Variants in MMP25 observed in about 807,000 individuals in gnomAD.
The protein encoded by MMP25 is matrix metalloproteinase-25.
Under a neutral mutation model 62.1 loss-of-function variants are expected in MMP25, and 68 were observed. The observed-to-expected ratio is 1.10, with a 90% CI of 0.90 to 1.34. The LOEUF (loss-of-function observed/expected upper bound fraction) is 1.34, where lower values mean the gene tolerates loss of function less well. Ranked by LOEUF, MMP25 falls within the 40% of genes most tolerant of loss-of-function variation. MMP25 has a pLI of 0.00. For missense variants in MMP25, 942 were observed against 792.5 expected, an observed-to-expected ratio of 1.19 and a Z score of -2.26; for synonymous variants, 407 against 345.6, an observed-to-expected ratio of 1.18 and a Z score of -1.97.
intron 4 of MMP25, among the ~76,000 whole-genome samples, chr16:3,050,854 C>T (rs150634107): frequency 1.1e-4 from 16 of 152,254 alleles, no homozygotes; most frequent in Admixed American, 2.6e-4. Flanking sequence ...TGCAGTTGCA[C>T]GATCACGGCT....
In MMP25 at chr16:3,050,294, A is replaced by ACCGTG. The variant is rs749301966; in HGVS notation, c.411_415dup (p.Arg139ProfsTer6). 2 of 1,608,810 alleles carry ACCGTG rather than the reference A, an allele frequency of 1.2e-6. No individual in the cohort carries two copies. Among genetic ancestry groups the ACCGTG allele is most frequent in the South Asian group, 2.2e-5 (2 of 90,786 alleles). On this transcript the variant is annotated frameshift_variant, in exon 4 of 10. Transcript: ENST00000336577. LOFTEE classifies it high-confidence loss of function. Reference sequence around the variant, plus strand: ...CCAGAGCTCCCAGCTGAGCCAGGAGACCGTGCGGGTCCTCATGAGCTATGC... The same window carrying ACCGTG: ...CCAGAGCTCCCAGCTGAGCCAGGAGACCGTGCCGTGCGGGTCCTCATGAGCTATGC...
intron 4 of MMP25, chr16:3,056,722 C>G (rs759520501): frequency 2.6e-5 from 8 of 302,348 alleles, no homozygotes; most frequent in Non-Finnish European, 4.3e-5. Context: ...GCTCCTCCCC[C>G]TCAAACTTCT....
In MMP25 at chr16:3,059,104, G is replaced by A; in HGVS notation, c.*6G>A. On this transcript the variant is annotated 3_prime_UTR_variant, in exon 10 of 10. Coordinates refer to ENST00000336577, the MANE Select transcript of MMP25 (RefSeq NM_022468.5). ...GGGGTGTAGCCTCCCGCTGATGGGGGGAGCCATCCAGACCGAACAGCGCCC... is the reference window on the plus strand; with the variant it reads ...GGGGTGTAGCCTCCCGCTGATGGGGAGAGCCATCCAGACCGAACAGCGCCC... The A allele has an allele frequency of 1.3e-6, 2 of 1,536,446 alleles. No homozygotes were observed. The highest frequency in any genetic ancestry group is 2.5e-5 in the East Asian group (1 of 40,726).
rs1043450101 is a variant in MMP25 at position 3,058,172 on chromosome 16, C to G, written c.1007-9C>G. Reference sequence around the variant, plus strand: ...CATGCCTTCCTGCGAACCCCTTTGTCCCCTGCAGGCCCCTGGTTCTGGCGC... The same window carrying G: ...CATGCCTTCCTGCGAACCCCTTTGTGCCCTGCAGGCCCCTGGTTCTGGCGC... On this transcript the variant is annotated splice_polypyrimidine_tract_variant and intron_variant, in intron 7 of 9. Coordinates refer to ENST00000336577, the MANE Select transcript of MMP25 (RefSeq NM_022468.5). 3 of 1,611,772 alleles carry G rather than the reference C, an allele frequency of 1.9e-6. No homozygotes were observed. The highest frequency in any genetic ancestry group is 2.5e-6 in the Non-Finnish European group (3 of 1,179,136).
intron 4 of MMP25, 59 bp from the exon 5 acceptor site, chr16:3,056,974 C>T (rs1260211108): frequency 6.6e-7 from 1 of 1,508,934 alleles, no homozygotes; most frequent in African/African-American, 1.4e-5. Flanking sequence ...GCAGGGCCTT[C>T]CTGTGGCCCC....
chr16:3,056,119 G>T, intron 4 of MMP25: 1 of 320,588 alleles, frequency 3.1e-6, no homozygotes, highest in Non-Finnish European at 6.3e-6. Context: ...AGGGAGATGG[G>T]GGAGGGGGGA....
intron 4 of MMP25, among the ~76,000 whole-genome samples, chr16:3,050,903 C>G (rs1367131737): frequency 6.6e-6 from 1 of 152,146 alleles, no homozygotes; most frequent in African/African-American, 2.4e-5. Flanking sequence ...GTGATCCTCC[C>G]TCCTCAGCCA....
intron 3 of MMP25, 37 bp from the exon 4 acceptor site, chr16:3,050,217 C>T: frequency 6.3e-7 from 1 of 1,575,008 alleles, no homozygotes. Flanking sequence ...CCTGCTCCCT[C>T]CACGGCCACC....
chr16:3,046,881 C>A lies in MMP25; in HGVS notation c.-37C>A. The A allele has an allele frequency of 7.6e-7, 1 of 1,316,248 alleles. No homozygotes were observed. Among genetic ancestry groups the A allele is most frequent in the South Asian group, 1.7e-5 (1 of 59,510 alleles). 81.5% of individuals were successfully genotyped at this position (1,316,248 alleles called of 1,614,324 possible). On this transcript the variant is annotated 5_prime_UTR_variant, in exon 1 of 10. Coordinates refer to ENST00000336577, the MANE Select transcript of MMP25 (RefSeq NM_022468.5). ...CCCGGGGCGGCCCCAGCCAGGCCCC[C>A]TTCGAACCCCGCCGGCGGCCCGGGC... is the stretch of plus-strand genomic sequence containing the variant.
Position 3,058,995 on chromosome 16 carries a change from C to G in MMP25, c.1586C>G (p.Thr529Ser). The G allele has an allele frequency of 6.4e-7, 1 of 1,554,968 alleles. No individual in the cohort carries two copies. Among genetic ancestry groups the G allele is most frequent in the Non-Finnish European group, 8.7e-7 (1 of 1,149,094 alleles). Residue 529 changes from threonine to serine, a missense_variant, in exon 10 of 10, where the codon ACC (threonine) becomes AGC (serine). Physicochemically the swap from Thr to Ser is moderately conservative, Grantham distance 58. Transcript: ENST00000336577. Reference protein sequence around the residue: ...RPPKATPVSETCDCQCELNQA... With the variant: ...RPPKATPVSESCDCQCELNQA... ...CCCAAAGCGACCCCCGTGTCCGAAA[C>G]CTGCGATTGTCAGTGCGAGCTCAAC...
chr16:3,047,603 C>T (rs546866336), intron 2 of MMP25, 56 bp downstream of exon 2: 1 of 1,582,802 alleles, frequency 6.3e-7, no homozygotes, highest in East Asian at 2.2e-5. Flanking sequence ...TGTCCACCGC[C>T]CAACAGCCTT....
Position 3,058,183 on chromosome 16 carries a change from C to T in MMP25, c.1009C>T (p.Pro337Ser). The T allele has an allele frequency of 6.2e-7, 1 of 1,612,442 alleles. No homozygotes were observed. The highest frequency in any genetic ancestry group is 1.1e-5 in the South Asian group (1 of 90,934). The change falls in exon 8 of 10, where the codon CCC (proline) becomes TCC (serine). Residue 337 changes from proline to serine, a missense_variant and splice_region_variant. Physicochemically the swap from Pro to Ser is moderately conservative, Grantham distance 74. Transcript: ENST00000336577. ...IRGETFFFKG[P>S]WFWRLQPSGQ... ...GCGAACCCCTTTGTCCCCTGCAGGC[C>T]CCTGGTTCTGGCGCCTCCAGCCCTC...
Position 3,057,035 on chromosome 16 carries a change from G to A in MMP25, c.664G>A (p.Gly222Ser), listed in dbSNP as rs762354889. 1.5e-5 allele frequency: 23 copies of A among 1,567,390 alleles called. No homozygotes were observed. Among genetic ancestry groups the A allele is most frequent in the East Asian group, 2.3e-5 (1 of 44,284 alleles). ...CTCTCACCCACTTTCTCCTGCAGAC[G>A]GCGAGGGGACCGACCTGTTTGCCGT... ...EETWTFGSKD[G>S]EGTDLFAVAV... The change falls in exon 5 of 10, where the codon GGC (glycine) becomes AGC (serine). Residue 222 changes from glycine to serine, a missense_variant and splice_region_variant. By Grantham distance (56) the Gly-to-Ser change is moderately conservative. Transcript: ENST00000336577.
rs765111576 is a variant in MMP25, at chr16:3,058,306, C to G, written c.1132C>G (p.Arg378Gly). 4 of 1,601,348 alleles carry G rather than the reference C, an allele frequency of 2.5e-6. No homozygotes were observed. Among genetic ancestry groups the G allele is most frequent in the Non-Finnish European group, 3.4e-6 (4 of 1,175,638 alleles). Residue 378 changes from arginine (R) to glycine (G), a missense_variant, in exon 8 of 10, where the codon CGA (arginine) becomes GGA (glycine). Physicochemically the swap from Arg to Gly is moderately radical, Grantham distance 125. Coordinates refer to ENST00000336577, the MANE Select transcript of MMP25 (RefSeq NM_022468.5). Reference sequence around the variant, plus strand: ...GGTGCAGGCCGCCTATGCTCGGCACCGAGACGGCCGAATCCTCCTCTTTAG... The same window carrying G: ...GGTGCAGGCCGCCTATGCTCGGCACGGAGACGGCCGAATCCTCCTCTTTAG... ...RVVQAAYARH[R>G]DGRILLFSGP... is the part of the protein sequence containing the mutation.
intron 4 of MMP25, chr16:3,051,632 G>A (rs1401290749): frequency 2.0e-5 from 3 of 152,124 alleles, no homozygotes; most frequent in Admixed American, 1.3e-4. Context: ...AGAGCTGGGG[G>A]CTTGCGGAGA....
At chr16:3,048,420 G>GGA (rs1003025585) in intron 2 of MMP25, among the ~76,000 whole-genome samples, 3 of 151,932 alleles carry the variant, frequency 2.0e-5, no homozygotes, top group South Asian at 2.1e-4. Context: ...CTTTCTCGAG[G>GGA]GAGAGAGAGA....
At chr16:3,050,751 C>G (rs1224826396) in intron 4 of MMP25, among the ~76,000 whole-genome samples, 1 of 152,174 alleles carries the variant, frequency 6.6e-6, no homozygotes, top group East Asian at 1.9e-4. Flanking sequence ...TAGCTGGGAT[C>G]ACTGGTGCAC....
chr16:3,059,114 A>C lies in MMP25; in HGVS notation c.*16A>C, dbSNP rs1048308132. On this transcript the variant is annotated 3_prime_UTR_variant, in exon 10 of 10. Transcript: ENST00000336577. ...CTCCCGCTGATGGGGGGAGCCATCCAGACCGAACAGCGCCCTCCACGGCCG... is the reference window on the plus strand; with the variant it reads ...CTCCCGCTGATGGGGGGAGCCATCCCGACCGAACAGCGCCCTCCACGGCCG... 3.3e-6 allele frequency: 5 copies of C among 1,522,584 alleles called. No homozygotes were observed. The South Asian group carries it at 6.2e-5, about 19-fold the overall frequency. 94.3% of individuals were successfully genotyped at this position (1,522,584 alleles called of 1,614,324 possible).
Position 3,050,561 on chromosome 16 carries a change from CTTATG to C in MMP25, c.661+16_661+20del. Reference sequence around the variant, plus strand: ...TGGGTCAAAAGGTAAAATCTCCTCTCTTATGAGAGATCCTCTTGCCAGGTCTGGTC... The same window carrying C: ...TGGGTCAAAAGGTAAAATCTCCTCTCAGAGATCCTCTTGCCAGGTCTGGTC... On this transcript the variant is annotated intron_variant, in intron 4 of 9. Coordinates refer to ENST00000336577, the MANE Select transcript of MMP25 (RefSeq NM_022468.5). 6.6e-7 allele frequency: 1 copy of C among 1,512,482 alleles called. No homozygotes were observed. Among genetic ancestry groups the C allele is most frequent in the East Asian group, 2.3e-5 (1 of 43,828 alleles). 93.7% of individuals were successfully genotyped at this position (1,512,482 alleles called of 1,614,324 possible).
Sources: allele counts gnomAD v4.1 joint callset (sites outside exome capture counted in the v4.1 genomes callset), GRCh38; gene constraint gnomAD v4.1.1; transcripts MANE v1.5; gene names NCBI Gene and HGNC (gene_info 2026-07-23, HGNC 2026-07-21).